IQCH: variants seen among roughly 807,000 people sequenced by gnomAD.
The protein encoded by IQCH is IQ motif containing H, also known as IQ domain-containing protein H.
In IQCH, 98 loss-of-function variants were observed where a neutral mutation model predicts 117.0. The ratio of observed to expected loss-of-function variants is 0.84; its 90% CI spans 0.71 to 0.99. The LOEUF (loss-of-function observed/expected upper bound fraction) is 0.99. Ranked by LOEUF, IQCH falls within the 50% of genes least tolerant of loss-of-function variation. IQCH has a pLI of 0.00. For synonymous variants in IQCH, 412 were observed against 448.2 expected (o/e 0.92, Z 1.02); for missense variants, 1,102 against 1,243.8 (o/e 0.89, Z 1.72).
intron 4 of IQCH, among the ~76,000 whole-genome samples, chr15:67,332,757 A>C (rs1968719732): frequency 1.3e-5 from 2 of 152,188 alleles, no homozygotes; most frequent in Admixed American, 6.5e-5. Context: ...TGAAGCTAAG[A>C]TATAGTATTC....
chr15:67,359,824 C>T lies in IQCH; in HGVS notation c.715-23C>T. 2.9e-6 allele frequency: 3 copies of T among 1,028,112 alleles called. No homozygotes were observed. The highest frequency in any genetic ancestry group is 4.4e-6 in the Non-Finnish European group (3 of 684,552). The allele number at this position is 1,028,112 out of a possible 1,614,324, so 63.7% of individuals were successfully genotyped here. A position where few individuals can be genotyped will look rare whatever the true frequency, so the allele number is the denominator to read the frequency against. On this transcript the variant is annotated intron_variant, in intron 7 of 20. Transcript: ENST00000335894. The surrounding 1 kb of genome is among the most constrained non-coding windows in gnomAD (Gnocchi z 4.5). ...CCCATGAGAGTCGTTTTGATTTAAA[C>T]TGTGTCTCATTCTTCATTGTAGGGG... is the stretch of plus-strand genomic sequence containing the variant.
intron 1 of IQCH, among the ~76,000 whole-genome samples, chr15:67,261,028 A>G (rs4630501): frequency 1 from 150,409 of 150,726 alleles, 75,046 homozygotes; most frequent in Middle Eastern, 1. Context: ...CCTGGGAGGC[A>G]GAGGTTGCAG....
At chr15:67,311,403 A>C (rs996450627) in intron 4 of IQCH, among the ~76,000 whole-genome samples, 1 of 151,762 alleles carries the variant, frequency 6.6e-6, no homozygotes, top group Non-Finnish European at 1.5e-5. Flanking sequence ...TGTGCAGGCA[A>C]AATAAAATAT....
chr15:67,439,547 A>G (rs1182838952), intron 16 of IQCH, among the ~76,000 whole-genome samples: 3 of 152,182 alleles, frequency 2.0e-5, no homozygotes, highest in Non-Finnish European at 4.4e-5. Flanking sequence ...GAAATTACCA[A>G]GATCAGAGCA....
intron 6 of IQCH, among the ~76,000 whole-genome samples, chr15:67,347,481 A>G (rs1969448945): frequency 6.6e-6 from 1 of 152,106 alleles, no homozygotes; most frequent in South Asian, 2.1e-4. Flanking sequence ...CTCCAGAAGA[A>G]ATAGATAACC....
At chr15:67,352,079 AT>A (rs1349674128) in intron 6 of IQCH, among the ~76,000 whole-genome samples, 5 of 151,524 alleles carry the variant, frequency 3.3e-5, no homozygotes. Flanking sequence ...TGAATAGATT[AT>A]TTTTCCTCAT....
chr15:67,297,288 A>T (rs1008100096), intron 4 of IQCH, among the ~76,000 whole-genome samples: 1 of 152,182 alleles, frequency 6.6e-6, no homozygotes, highest in Admixed American at 6.5e-5. Flanking sequence ...TTTTGAATAG[A>T]CGCAAAAATC....
rs539644110 is a variant in IQCH at position 67,376,898 on chromosome 15, C to G, written c.1372+3465C>G. Among the ~76,000 whole-genome samples the G allele has an allele frequency of 1.9e-3, 290 of 152,096 alleles. 1 individual carries two copies. Among genetic ancestry groups the G allele is most frequent in the African/African-American group, 6.8e-3 (282 of 41,514 alleles). On this transcript the variant is annotated intron_variant, in intron 10 of 20. Coordinates refer to ENST00000335894, the MANE Select transcript of IQCH (RefSeq NM_001031715.3). The surrounding 1 kb of genome is among the most constrained non-coding windows in gnomAD (Gnocchi z 5.0). ...CTTCAAGAGGCCAAGGTGGGCAGAT[C>G]ACGAGGTCAAGAGATCGAGACCATC...
At chr15:67,495,504 A>T (rs771135073) in intron 20 of IQCH, among the ~76,000 whole-genome samples, 7 of 152,182 alleles carry the variant, frequency 4.6e-5, no homozygotes, top group Admixed American at 1.3e-4. Context: ...CCAGCCTATC[A>T]TTTACATTTT....
chr15:67,397,424 T>A (rs1971507123), intron 13 of IQCH, among the ~76,000 whole-genome samples: 2 of 152,246 alleles, frequency 1.3e-5, no homozygotes, highest in African/African-American at 4.8e-5. Context: ...GCAAATTGTA[T>A]AACAATAAAC....
rs1301847465 is a variant in IQCH at position 67,405,237 on chromosome 15, T to C, written c.2097+4932T>C. ...CATGAAACTACATATAAATGATTAT[T>C]GTTCACTTGTTTTTATATTTATTTT... On this transcript the variant is annotated intron_variant, in intron 14 of 20. Coordinates refer to ENST00000335894, the MANE Select transcript of IQCH (RefSeq NM_001031715.3). This position sits in a 1 kb window ranked among gnomAD's most constrained non-coding sequence, Gnocchi z 4.8. 6.6e-6 allele frequency: 1 copy of C among 152,204 alleles called. No individual in the cohort carries two copies. The highest frequency in any genetic ancestry group is 1.9e-4 in the East Asian group (1 of 5,200). 9.4% of individuals were successfully genotyped at this position (152,204 alleles called of 1,614,324 possible).
At chr15:67,498,351 C>T (rs1011525052) in intron 20 of IQCH, among the ~76,000 whole-genome samples, 1 of 152,132 alleles carries the variant, frequency 6.6e-6, no homozygotes, top group Non-Finnish European at 1.5e-5. Context: ...CGCGGTGGCT[C>T]ACACCTGTAA....
chr15:67,309,555 T>C (rs944029265), intron 4 of IQCH, among the ~76,000 whole-genome samples: 3 of 152,014 alleles, frequency 2.0e-5, no homozygotes, highest in Non-Finnish European at 4.4e-5. Context: ...TGAAGTGAAG[T>C]AATGATTTTG....
At chr15:67,292,111 A>G (rs907596144) in intron 4 of IQCH, among the ~76,000 whole-genome samples, 5 of 152,190 alleles carry the variant, frequency 3.3e-5, no homozygotes, top group Admixed American at 6.5e-5. Context: ...CCCCTCTTCC[A>G]TGTGCAGACA....
In IQCH at chr15:67,467,223, A is replaced by AAAAAAT. The variant is rs895763094; in HGVS notation, c.2676+1942_2676+1947dup. Among the ~76,000 whole-genome samples the AAAAAAT allele has an allele frequency of 4.5e-4, 68 of 152,264 alleles. No individual in the cohort carries two copies. The highest frequency in any genetic ancestry group is 3.4e-3 in the Middle Eastern group (1 of 294). On this transcript the variant is annotated intron_variant, in intron 17 of 20. Transcript: ENST00000335894. The surrounding 1 kb of genome is among the most constrained non-coding windows in gnomAD (Gnocchi z 5.7). Reference sequence around the variant, plus strand: ...AGTTGACAGAGTGAGACTCTGTCTCAAAAAATAAAAATAAAAATAAAGCTG... The same window carrying AAAAAAT: ...AGTTGACAGAGTGAGACTCTGTCTCAAAAAATAAAAATAAAAATAAAAATAAAGCTG...
At chr15:67,325,708 A>T (rs1968375848) in intron 4 of IQCH, among the ~76,000 whole-genome samples, 1 of 152,136 alleles carries the variant, frequency 6.6e-6, no homozygotes, top group Non-Finnish European at 1.5e-5. Context: ...AAGAAAATAA[A>T]CAATAACTTA....
At chr15:67,389,788 G>A (rs925256443) in intron 12 of IQCH, among the ~76,000 whole-genome samples, 65 of 149,448 alleles carry the variant, frequency 4.3e-4, no homozygotes, top group Non-Finnish European at 1.5e-4. Flanking sequence ...TCTCTCTATC[G>A]CCAACGTGAT....
chr15:67,398,458 A>C (rs1971537659), intron 13 of IQCH, among the ~76,000 whole-genome samples: 1 of 152,196 alleles, frequency 6.6e-6, no homozygotes, highest in Non-Finnish European at 1.5e-5. Flanking sequence ...CCAAATCATC[A>C]ATAAACACTA....
At chr15:67,363,078 T>C (rs1970203056) in intron 8 of IQCH, among the ~76,000 whole-genome samples, 1 of 152,096 alleles carries the variant, frequency 6.6e-6, no homozygotes, top group Admixed American at 6.5e-5. Context: ...CAAAAGCAAG[T>C]CCAAAGCTAT....
Sources: allele counts gnomAD v4.1 joint callset (sites outside exome capture counted in the v4.1 genomes callset), GRCh38; gene constraint gnomAD v4.1.1; non-coding constraint Gnocchi (gnomAD v3.1); transcripts MANE v1.5; gene names NCBI Gene and HGNC (gene_info 2026-07-23, HGNC 2026-07-21).